The following ZMYM4 variants were observed in gnomAD, a reference collection of about 807,000 sequenced individuals.
ZMYM4 encodes the protein zinc finger MYM-type containing 4.
ZMYM4 carries 31 observed loss-of-function variants against 183.2 expected under a neutral mutation model. That is an observed-to-expected ratio of 0.17 (90% CI 0.13 to 0.23). The LOEUF is 0.23. Among genes scored for constraint, ZMYM4 ranks in the 10% least tolerant of loss-of-function variants. The pLI is 1.00. For synonymous variants in ZMYM4, 592 were observed against 631.2 expected (o/e 0.94, Z 0.93); for missense variants, 1,273 against 1,840.3 (o/e 0.69, Z 5.64).
chr1:35,276,615 T>C (rs1011502173), intron 1 of ZMYM4, among the ~76,000 whole-genome samples: 2 of 152,204 alleles, frequency 1.3e-5, no homozygotes, highest in Non-Finnish European at 2.9e-5. Flanking sequence ...CCACCTTTTT[T>C]TTTCTTTTTG....
intron 7 of ZMYM4, among the ~76,000 whole-genome samples, chr1:35,373,011 T>G (rs1644248103): frequency 2.0e-5 from 3 of 151,944 alleles, no homozygotes; most frequent in Non-Finnish European, 2.9e-5. Flanking sequence ...ATACAAAAAT[T>G]AGCTGGGCCT....
At chr1:35,301,560 A>G (rs959506159) in intron 1 of ZMYM4, among the ~76,000 whole-genome samples, 5 of 151,250 alleles carry the variant, frequency 3.3e-5, no homozygotes, top group East Asian at 1.9e-4. Flanking sequence ...AAAAAAAAAA[A>G]AAGTCTTGTC....
At chr1:35,277,018 G>A (rs930427260) in intron 1 of ZMYM4, among the ~76,000 whole-genome samples, 1 of 152,176 alleles carries the variant, frequency 6.6e-6, no homozygotes, top group Non-Finnish European at 1.5e-5. Context: ...GGATTTGGCT[G>A]ATTGAATCCT....
chr1:35,397,811 A>G (rs961749527), intron 20 of ZMYM4, among the ~76,000 whole-genome samples: 8 of 152,302 alleles, frequency 5.3e-5, no homozygotes, highest in South Asian at 4.1e-4. Context: ...TCATTTTCCA[A>G]TTCCATCTCT....
At chr1:35,327,662 C>T (rs1212418221) in intron 2 of ZMYM4, among the ~76,000 whole-genome samples, 2 of 152,108 alleles carry the variant, frequency 1.3e-5, no homozygotes, top group African/African-American at 4.8e-5. Context: ...ATTTAGCTAG[C>T]TTATCCAGAA....
chr1:35,278,372 A>G (rs547338726), intron 1 of ZMYM4, among the ~76,000 whole-genome samples: 18 of 151,290 alleles, frequency 1.2e-4, no homozygotes, highest in Non-Finnish European at 2.4e-4. Flanking sequence ...TGCAAAATAA[A>G]TTCACCTCAT....
At chr1:35,287,587 T>C (rs546494923) in intron 1 of ZMYM4, among the ~76,000 whole-genome samples, 128 of 152,032 alleles carry the variant, frequency 8.4e-4, no homozygotes, top group African/African-American at 2.9e-3. Context: ...TTTTCCTATT[T>C]ATTTTATTTT....
chr1:35,394,130 G>C (rs1644761320), intron 18 of ZMYM4, among the ~76,000 whole-genome samples: 1 of 137,542 alleles, frequency 7.3e-6, no homozygotes, highest in Non-Finnish European at 1.5e-5. Flanking sequence ...TTCAAATGAA[G>C]TCAGTTCCTT....
chr1:35,401,381 A>G (rs765821206), intron 23 of ZMYM4, among the ~76,000 whole-genome samples: 5 of 152,192 alleles, frequency 3.3e-5, no homozygotes, highest in Non-Finnish European at 7.3e-5. Flanking sequence ...CTAATGATTA[A>G]TGATGTTAAG....
chr1:35,398,801 T>G (rs776444757), intron 21 of ZMYM4, 63 bp from the exon 22 acceptor site: 217 of 1,567,172 alleles, frequency 1.4e-4, no homozygotes, highest in Non-Finnish European at 1.8e-4. Context: ...CAGGAAGTTT[T>G]CCGAGCATGT....
Position 35,397,479 on chromosome 1 carries a change from G to T in ZMYM4, c.3133G>T (p.Ala1045Ser). Residue 1045 changes from alanine to serine, a missense_variant, in exon 20 of 30, where the codon GCT (alanine) becomes TCT (serine). By Grantham distance (99) the Ala-to-Ser change is moderately conservative. This residue lies in a region of ZMYM4 where 290 missense variants were observed against 353.3 expected (regional missense o/e 0.82). Transcript: ENST00000314607. ...AAAGCTTCCCACACATCCATTTGAA[G>T]CTGATCTCCTTGAGATGGCAGAAAT... ...KEKLPTHPFEADLLEMAEMIA... is the reference protein window; with the variant it reads ...KEKLPTHPFESDLLEMAEMIA... The T allele has an allele frequency of 6.2e-7, 1 of 1,613,556 alleles. No individual in the cohort carries two copies.
chr1:35,339,828 A>G (rs562653147), intron 2 of ZMYM4, among the ~76,000 whole-genome samples: 1 of 152,316 alleles, frequency 6.6e-6, no homozygotes, highest in South Asian at 2.1e-4. Context: ...CTAATAAATT[A>G]CCTTACTCAC....
intron 17 of ZMYM4, 93 bp from the exon 18 acceptor site, chr1:35,393,502 C>A: frequency 8.4e-7 from 1 of 1,188,028 alleles, no homozygotes; most frequent in South Asian, 2.0e-5. Flanking sequence ...CATGTAATTC[C>A]AATATGACAT....
At chr1:35,324,218 T>G (rs949259879) in intron 1 of ZMYM4, among the ~76,000 whole-genome samples, 3 of 152,120 alleles carry the variant, frequency 2.0e-5, no homozygotes, top group Non-Finnish European at 2.9e-5. Context: ...CCTTTGATAT[T>G]GCTGTTAGAC....
Position 35,419,792 on chromosome 1 carries a change from A to G in ZMYM4, c.*115A>G, listed in dbSNP as rs1025718748. On this transcript the variant is annotated 3_prime_UTR_variant, in exon 30 of 30. Coordinates refer to ENST00000314607, the MANE Select transcript of ZMYM4 (RefSeq NM_005095.3). ...GTCCTCTTGACTTGACCATAAGATCATGGAAAACAGATGACTTGTGAACCC... is the reference window on the plus strand; with the variant it reads ...GTCCTCTTGACTTGACCATAAGATCGTGGAAAACAGATGACTTGTGAACCC... 4 of 1,053,944 alleles carry G rather than the reference A, an allele frequency of 3.8e-6. No individual in the cohort carries two copies. The highest frequency in any genetic ancestry group is 4.2e-6 in the Non-Finnish European group (3 of 717,098). The allele number at this position is 1,053,944 out of a possible 1,614,324, so 65.3% of individuals were successfully genotyped here.
intron 1 of ZMYM4, among the ~76,000 whole-genome samples, chr1:35,306,763 A>T (rs577391988): frequency 6.6e-6 from 1 of 152,238 alleles, no homozygotes; most frequent in East Asian, 1.9e-4. Context: ...CTCCTCTACT[A>T]AAACTTTCTT....
At chr1:35,312,162 G>T (rs1254768101) in intron 1 of ZMYM4, among the ~76,000 whole-genome samples, 3 of 151,818 alleles carry the variant, frequency 2.0e-5, no homozygotes, top group South Asian at 2.1e-4. Flanking sequence ...TGTTGTTTAG[G>T]TTTTGGCAGT....
At chr1:35,365,984 A>G (rs1644068292) in intron 5 of ZMYM4, 1 of 152,232 alleles carries the variant, frequency 6.6e-6, no homozygotes, top group Admixed American at 6.5e-5. Flanking sequence ...AAAGGAATCC[A>G]GCAGAAGTTT....
At chr1:35,334,721 CTATT>C (rs1368149569) in intron 2 of ZMYM4, among the ~76,000 whole-genome samples, 1 of 152,174 alleles carries the variant, frequency 6.6e-6, no homozygotes, top group Non-Finnish European at 1.5e-5. Flanking sequence ...TAGACAATCA[CTATT>C]CATTCAGGAT....
Sources: allele counts gnomAD v4.1 joint callset (sites outside exome capture counted in the v4.1 genomes callset), GRCh38; gene constraint gnomAD v4.1.1; regional missense constraint gnomAD v4.1.1; transcripts MANE v1.5; gene names NCBI Gene and HGNC (gene_info 2026-07-23, HGNC 2026-07-21).